The following TNRC6A variants were observed in gnomAD, a reference collection of about 807,000 sequenced individuals.
TNRC6A encodes the protein trinucleotide repeat containing adaptor 6A.
TNRC6A carries 44 observed loss-of-function variants against 221.2 expected under a neutral mutation model. The observed-to-expected ratio is 0.20, with a 90% CI of 0.16 to 0.26. The LOEUF (loss-of-function observed/expected upper bound fraction) is 0.26. TNRC6A is among the 10% of genes least tolerant of loss of function. The probability of loss-of-function intolerance (pLI) is 1.00; values close to 1 mark genes in which losing one functional copy is unlikely to be tolerated. For missense variants in TNRC6A, 2,199 were observed against 2,404.4 expected (o/e 0.91, Z 1.79); for synonymous variants, 847 against 838.5 (o/e 1.01, Z -0.18).
intron 2 of TNRC6A, among the ~76,000 whole-genome samples, chr16:24,656,495 A>G (rs2054917545): frequency 1.3e-5 from 2 of 151,688 alleles, no homozygotes; most frequent in Non-Finnish European, 2.9e-5. Context: ...AGAGAGAGAG[A>G]AAAAGAAGTA....
intron 2 of TNRC6A, among the ~76,000 whole-genome samples, chr16:24,664,520 AAATAT>A (rs1470835115): frequency 3.5e-5 from 5 of 143,356 alleles, no homozygotes; most frequent in Non-Finnish European, 6.1e-5. Context: ...AATATATAAT[AAATAT>A]AATATATATA....
chr16:24,721,004 G>A (rs554040750), intron 2 of TNRC6A, among the ~76,000 whole-genome samples: 7 of 152,244 alleles, frequency 4.6e-5, no homozygotes, highest in African/African-American at 1.2e-4. Context: ...GCAGTGAGCC[G>A]AGATCATGCC....
intron 1 of TNRC6A, among the ~76,000 whole-genome samples, chr16:24,622,109 G>A (rs965567858): frequency 4.6e-5 from 7 of 151,134 alleles, no homozygotes; most frequent in African/African-American, 1.2e-4. Context: ...GTTTTTTCCC[G>A]AACCAAGTAC....
intron 5 of TNRC6A, among the ~76,000 whole-genome samples, chr16:24,782,055 C>T (rs933098437): frequency 6.6e-6 from 1 of 152,154 alleles, no homozygotes; most frequent in African/African-American, 2.4e-5. Flanking sequence ...ATCTCCTGAC[C>T]TTGTGATCTG....
intron 4 of TNRC6A, among the ~76,000 whole-genome samples, chr16:24,766,190 C>CA (rs1369636191): frequency 6.6e-6 from 1 of 152,102 alleles, no homozygotes; most frequent in Non-Finnish European, 1.5e-5. Flanking sequence ...GTTTGGGAGT[C>CA]ACATTGGGTT....
chr16:24,644,081 A>ATTTTTTTTTT lies in TNRC6A; in HGVS notation n.402+3086_402+3095dup, dbSNP rs748251760. Among the ~76,000 whole-genome samples, 58 of 81,552 alleles carry ATTTTTTTTTT rather than the reference A, an allele frequency of 7.1e-4. 1 individual carries two copies. Among genetic ancestry groups the ATTTTTTTTTT allele is most frequent in the African/African-American group, 1.1e-3 (20 of 18,806 alleles). The allele number at this position is 81,552 out of a possible 152,430, so 53.5% of individuals were successfully genotyped here. ...TTGTTTGTTTTGTTTCTTATCTTTA[A>ATTTTTTTTTT]TTTTTTTTTTTTTTTTTTTTTTTGA... On this transcript the variant is annotated intron_variant and non_coding_transcript_variant, in intron 2 of 2. Transcript: ENST00000566108.
chr16:24,643,254 A>C (rs1431806063), intron 2 of TNRC6A, among the ~76,000 whole-genome samples: 1 of 151,222 alleles, frequency 6.6e-6, no homozygotes, highest in Non-Finnish European at 1.5e-5. Flanking sequence ...GAAGGAAGGA[A>C]GAAATCATGC....
In TNRC6A at chr16:24,729,682, TGTCGGCGGCGGCGGCGGCGGC is replaced by T. The variant is rs2056565665; in HGVS notation, c.-158_-138del. ...GGTCTGGGGCCTGCGGCGGCGGCGG[TGTCGGCGGCGGCGGCGGCGGC>T]GGCGGCGGCGGCGGCAGCGGGTCGG... On this transcript the variant is annotated 5_prime_UTR_variant, in exon 1 of 25. Coordinates refer to ENST00000395799, the MANE Select transcript of TNRC6A (RefSeq NM_014494.4). 2 of 677,826 alleles carry T rather than the reference TGTCGGCGGCGGCGGCGGCGGC, an allele frequency of 3.0e-6. No individual in the cohort carries two copies. The highest frequency in any genetic ancestry group is 4.0e-6 in the Non-Finnish European group (2 of 501,670). The allele number at this position is 677,826 out of a possible 1,614,324, so 42.0% of individuals were successfully genotyped here.
rs1370183176 is a variant in TNRC6A, at chr16:24,823,403, C to G, written c.5514-29C>G. 6.3e-7 allele frequency: 1 copy of G among 1,581,872 alleles called. No individual in the cohort carries two copies. The highest frequency in any genetic ancestry group is 1.7e-5 in the Admixed American group (1 of 58,154). On this transcript the variant is annotated intron_variant, in intron 24 of 24. Transcript: ENST00000395799. The surrounding 1 kb of genome is among the most constrained non-coding windows in gnomAD (Gnocchi z 4.3). ...TGAAGCCCTCCTGGTGTGCTGTCCTCACGTGTCCGCGGTGCCTCTCTCCTC... is the reference window on the plus strand; with the variant it reads ...TGAAGCCCTCCTGGTGTGCTGTCCTGACGTGTCCGCGGTGCCTCTCTCCTC...
At chr16:24,747,543 A>G (rs545647133) in intron 2 of TNRC6A, among the ~76,000 whole-genome samples, 9 of 152,240 alleles carry the variant, frequency 5.9e-5, no homozygotes, top group African/African-American at 1.2e-4. Flanking sequence ...GCTCCTCTTG[A>G]TAGTTGTGGT....
intron 8 of TNRC6A, among the ~76,000 whole-genome samples, chr16:24,795,008 A>C (rs2058189374): frequency 6.6e-6 from 1 of 152,090 alleles, no homozygotes; most frequent in Non-Finnish European, 1.5e-5. Context: ...GGTGAGGATG[A>C]AGAGGAGGGC....
At chr16:24,706,851 T>C (rs1483585420) in intron 2 of TNRC6A, among the ~76,000 whole-genome samples, 1 of 152,054 alleles carries the variant, frequency 6.6e-6, no homozygotes, top group African/African-American at 2.4e-5. Context: ...AATTAGGCAG[T>C]GCAGTAATTG....
chr16:24,776,681 A>G (rs2057724531), intron 4 of TNRC6A: 1 of 985,434 alleles, frequency 1.0e-6, no homozygotes. Flanking sequence ...AGAGATAGTG[A>G]ACATGAGTTG....
rs778140391 is a variant in TNRC6A, at chr16:24,708,280, G to A, written n.403-42446G>A. On this transcript the variant is annotated intron_variant and non_coding_transcript_variant, in intron 2 of 2. Transcript: ENST00000566108. ...TTTTGAGACGGAGTCTCGCTCTGTC[G>A]CCCAGGCTGGGGTGCGGTGGCGCGA... 1.4e-3 allele frequency among the ~76,000 whole-genome samples: 210 copies of A among 148,520 alleles called. 3 individuals carry two copies. The highest frequency in any genetic ancestry group is 9.1e-4 in the Non-Finnish European group (61 of 67,260).
chr16:24,616,152 C>G (rs1187352670), intron 1 of TNRC6A, among the ~76,000 whole-genome samples: 1 of 151,588 alleles, frequency 6.6e-6, no homozygotes, highest in East Asian at 1.9e-4. Flanking sequence ...CATGGTGAAA[C>G]CTGTCTCTAC....
At chr16:24,778,563 T>G (rs2057774806) in intron 5 of TNRC6A, 6 of 906,052 alleles carry the variant, frequency 6.6e-6, no homozygotes, top group Non-Finnish European at 7.9e-6. Flanking sequence ...TCCCAGCACC[T>G]TATTACCTGT....
At chr16:24,671,498 G>A (rs1195530540) in intron 2 of TNRC6A, among the ~76,000 whole-genome samples, 1 of 152,210 alleles carries the variant, frequency 6.6e-6, no homozygotes. Flanking sequence ...CAGCATCCGT[G>A]ATGTGCCAGA....
Position 24,822,912 on chromosome 16 carries a change from C to T in TNRC6A, c.5412C>T (p.His1804=), listed in dbSNP as rs2303085. Residue 1804 remains histidine (H), a synonymous_variant, in exon 24 of 25, where the codon CAC becomes CAT. Transcript: ENST00000395799. The part of the protein sequence containing the change: ...GSTLRTLCMQ[H]GPLITFHLNL... The stretch of plus-strand genomic sequence containing the variant: ...CTCTGCGCACTCTGTGCATGCAGCA[C>T]GGCCCGCTGATCACATTCCACCTGA... The T allele has an allele frequency of 0.15, 247,103 of 1,613,930 alleles. 21,996 individuals are homozygous for T. Among genetic ancestry groups the T allele is most frequent in the East Asian group, 0.39 (17,301 of 44,868 alleles).
chr16:24,820,708 G>C (rs540597362), intron 22 of TNRC6A, among the ~76,000 whole-genome samples: 5 of 152,226 alleles, frequency 3.3e-5, no homozygotes, highest in African/African-American at 7.2e-5. Flanking sequence ...GAAGACTAGG[G>C]GGGTAGCTTG....
Sources: allele counts gnomAD v4.1 joint callset (sites outside exome capture counted in the v4.1 genomes callset), GRCh38; gene constraint gnomAD v4.1.1; non-coding constraint Gnocchi (gnomAD v3.1); transcripts MANE v1.5; gene names NCBI Gene and HGNC (gene_info 2026-07-23, HGNC 2026-07-21).